MIA2: variants seen among roughly 807,000 people sequenced by gnomAD.
The protein encoded by MIA2 is melanoma inhibitory activity protein 2.
MIA2 carries 127 observed loss-of-function variants against 167.8 expected under a neutral mutation model. The observed-to-expected ratio is 0.76, with a 90% CI of 0.66 to 0.88. MIA2 has a LOEUF of 0.88. Ranked by LOEUF, MIA2 falls within the 40% of genes least tolerant of loss-of-function variation. The pLI is 0.00. For synonymous variants in MIA2, 552 were observed against 541.9 expected, an observed-to-expected ratio of 1.02 and a Z score of -0.26; for missense variants, 1,690 against 1,624.7, an observed-to-expected ratio of 1.04 and a Z score of -0.69.
chr14:39,383,881 G>A (rs868755390), intron 23 of MIA2, among the ~76,000 whole-genome samples: 29 of 152,214 alleles, frequency 1.9e-4, no homozygotes, highest in African/African-American at 5.3e-4. Context: ...AGAAAAGTTT[G>A]ATGCTAGCAG....
At chr14:39,265,076 T>G (rs2055387335) in intron 6 of MIA2, among the ~76,000 whole-genome samples, 1 of 152,156 alleles carries the variant, frequency 6.6e-6, no homozygotes, top group African/African-American at 2.4e-5. Context: ...AATTCAGGAT[T>G]TTTCTTTTCA....
chr14:39,362,498 A>G (rs556634614), intron 23 of MIA2, among the ~76,000 whole-genome samples: 2 of 152,052 alleles, frequency 1.3e-5, no homozygotes, highest in East Asian at 3.9e-4. Flanking sequence ...GCCTCTGACG[A>G]TCTTTTATAT....
intron 23 of MIA2, among the ~76,000 whole-genome samples, chr14:39,382,540 G>GA (rs1465194081): frequency 6.6e-6 from 1 of 152,228 alleles, no homozygotes; most frequent in Non-Finnish European, 1.5e-5. Flanking sequence ...GAAATTGGGA[G>GA]AGTATGGTCA....
intron 18 of MIA2, among the ~76,000 whole-genome samples, chr14:39,310,918 A>C (rs564947671): frequency 6.6e-6 from 1 of 152,228 alleles, no homozygotes; most frequent in Non-Finnish European, 1.5e-5. Context: ...TTCAGCCAGT[A>C]TACCTAGGAG....
chr14:39,311,588 C>T (rs948339325), intron 18 of MIA2, among the ~76,000 whole-genome samples: 7 of 147,002 alleles, frequency 4.8e-5, no homozygotes. Context: ...CGCCATTCTC[C>T]TTCCTCAGCC....
chr14:39,349,186 A>T (rs1238799689), intron 28 of MIA2, among the ~76,000 whole-genome samples: 1 of 152,194 alleles, frequency 6.6e-6, no homozygotes, highest in Non-Finnish European at 1.5e-5. Context: ...TCATCTTAAT[A>T]ATATAGAATT....
chr14:39,311,841 T>A (rs1327934771), intron 18 of MIA2, among the ~76,000 whole-genome samples: 2 of 150,550 alleles, frequency 1.3e-5, no homozygotes, highest in East Asian at 2.0e-4. Flanking sequence ...TGTGTGTTTT[T>A]TTTTTTGAGA....
In MIA2 at chr14:39,294,078, T is replaced by G. The variant is rs767131450; in HGVS notation, c.2391+7T>G. On this transcript the variant is annotated splice_region_variant and intron_variant, in intron 12 of 28. Transcript: ENST00000640607. ...CAAATCACAAGTAGCTGAAGTAAGT[T>G]GAATTAGTCTAGTAGGTCTGTTGCT... is the stretch of plus-strand genomic sequence containing the variant. 4 of 1,588,422 alleles carry G rather than the reference T, an allele frequency of 2.5e-6. No homozygotes were observed. The East Asian group carries it at 6.8e-5, about 27-fold the overall frequency.
At chr14:39,303,668 G>T in intron 16 of MIA2, 144 bp downstream of exon 16, 7 of 552,584 alleles carry the variant, frequency 1.3e-5, no homozygotes, top group South Asian at 8.3e-5. Context: ...ATCATCAATT[G>T]CTTTTTCCTT....
At chr14:39,301,328 GT>G (rs1434492068) in intron 14 of MIA2, among the ~76,000 whole-genome samples, 9 of 152,168 alleles carry the variant, frequency 5.9e-5, no homozygotes, top group African/African-American at 2.2e-4. Flanking sequence ...GCCTCCCAAA[GT>G]TTTGGGATTA....
chr14:39,234,012 T>C lies in MIA2; in HGVS notation c.-103T>C, dbSNP rs2053624875. The C allele has an allele frequency of 8.4e-6, 5 of 592,466 alleles. No individual in the cohort carries two copies. Among genetic ancestry groups the C allele is most frequent in the South Asian group, 5.1e-5 (2 of 38,922 alleles). 36.7% of individuals were successfully genotyped at this position (592,466 alleles called of 1,614,324 possible). On this transcript the variant is annotated 5_prime_UTR_variant, in exon 1 of 29. Transcript: ENST00000640607. The stretch of plus-strand genomic sequence containing the variant: ...TAAAACTTCAACCCTTTTTCTCTTA[T>C]AGTTAGTGAAGAGAGTAGAATATCT...
intron 23 of MIA2, among the ~76,000 whole-genome samples, chr14:39,361,486 T>G (rs1450497117): frequency 6.7e-6 from 1 of 150,056 alleles, no homozygotes. Context: ...TTGCCCAAGC[T>G]GGAGTGCAAT....
At chr14:39,260,610 C>T (rs2055055148) in intron 6 of MIA2, among the ~76,000 whole-genome samples, 1 of 152,076 alleles carries the variant, frequency 6.6e-6, no homozygotes, top group African/African-American at 2.4e-5. Flanking sequence ...GAAATTAGAC[C>T]TTTGTCAGAT....
chr14:39,246,082 T>TTTTA (rs71130832), intron 3 of MIA2, among the ~76,000 whole-genome samples: 40,357 of 143,158 alleles, frequency 0.28, 6,785 homozygotes, highest in Non-Finnish European at 0.38. Flanking sequence ...TTTTAAAAAT[T>TTTTA]TTTATTTATT....
intron 18 of MIA2, among the ~76,000 whole-genome samples, chr14:39,310,504 A>C (rs537978140): frequency 6.6e-6 from 1 of 152,306 alleles, no homozygotes; most frequent in African/African-American, 2.4e-5. Flanking sequence ...CTTTAAACAG[A>C]AGCACACAAA....
chr14:39,240,001 G>C (rs1006405542), intron 2 of MIA2, among the ~76,000 whole-genome samples: 3 of 152,220 alleles, frequency 2.0e-5, no homozygotes, highest in African/African-American at 7.2e-5. Flanking sequence ...CAATCTGCCT[G>C]TGCTTGAACT....
intron 6 of MIA2, among the ~76,000 whole-genome samples, chr14:39,269,475 G>A (rs527352405): frequency 6.6e-6 from 1 of 151,520 alleles, no homozygotes; most frequent in South Asian, 2.1e-4. Context: ...TGTTTTCAAG[G>A]CTTATCCATG....
At chr14:39,267,345 C>T (rs2055994209) in intron 6 of MIA2, 1 of 1,568,664 alleles carries the variant, frequency 6.4e-7, no homozygotes, top group Non-Finnish European at 8.6e-7. Context: ...GTGGTCCACT[C>T]CGGTTGCCGG....
At chr14:39,276,741 A>G in intron 6 of MIA2, 193 bp from the exon 7 acceptor site, 1 of 537,298 alleles carries the variant, frequency 1.9e-6, no homozygotes, top group Non-Finnish European at 3.3e-6. Context: ...AGATAATTGC[A>G]TTTCACCATA....
Sources: allele counts gnomAD v4.1 joint callset (sites outside exome capture counted in the v4.1 genomes callset), GRCh38; gene constraint gnomAD v4.1.1; transcripts MANE v1.5; gene names NCBI Gene and HGNC (gene_info 2026-07-23, HGNC 2026-07-21).